Variants in CALN1 observed in about 807,000 individuals in gnomAD.
CALN1 encodes calneuron 1.
CALN1 carries 17 observed loss-of-function variants against 30.6 expected under a neutral mutation model. That is an observed-to-expected ratio of 0.56 (90% CI 0.38 to 0.83). The LOEUF is 0.83. Ranked by LOEUF, CALN1 falls within the 40% of genes least tolerant of loss-of-function variation. The pLI is 0.00. For missense variants in CALN1, 291 were observed against 354.9 expected (o/e 0.82, Z 1.45); for synonymous variants, 156 against 131.4 (o/e 1.19, Z -1.28).
chr7:72,187,232 C>T (rs1790272515), intron 3 of CALN1, among the ~76,000 whole-genome samples: 1 of 152,114 alleles, frequency 6.6e-6, no homozygotes. Context: ...TTGTCTGACA[C>T]ATTTTTCCAG....
intron 2 of CALN1, among the ~76,000 whole-genome samples, chr7:72,359,976 C>CAAACAAAAAAAAAAA (rs1803468935): frequency 1.6e-5 from 1 of 63,954 alleles, no homozygotes; most frequent in African/African-American, 8.6e-5. Flanking sequence ...GACTCCATCT[C>CAAACAAAAAAAAAAA]AAAAAAAAAA....
At chr7:72,425,862 T>G (rs1807784963) in intron 1 of CALN1, among the ~76,000 whole-genome samples, 1 of 152,122 alleles carries the variant, frequency 6.6e-6, no homozygotes, top group Non-Finnish European at 1.5e-5. Context: ...CTCTGTCCCT[T>G]AGGGAGATGG....
intron 3 of CALN1, among the ~76,000 whole-genome samples, chr7:72,277,534 C>G (rs547171221): frequency 1.3e-5 from 2 of 152,290 alleles, no homozygotes; most frequent in South Asian, 4.2e-4. Flanking sequence ...CCCCCAGACT[C>G]TCTTTGGACC....
intron 4 of CALN1, among the ~76,000 whole-genome samples, chr7:72,025,169 G>A (rs911906213): frequency 3.3e-5 from 5 of 152,234 alleles, no homozygotes; most frequent in Non-Finnish European, 7.4e-5. Flanking sequence ...AATTAGCTGG[G>A]TGTGGTTGTC....
intron 4 of CALN1, among the ~76,000 whole-genome samples, chr7:72,056,455 A>G (rs1405484904): frequency 1.3e-5 from 2 of 152,180 alleles, no homozygotes; most frequent in African/African-American, 4.8e-5. Flanking sequence ...TTAGTTAACA[A>G]ATGGTGCTGA....
intron 5 of CALN1, among the ~76,000 whole-genome samples, chr7:71,819,844 G>T (rs1278694283): frequency 6.6e-6 from 1 of 152,030 alleles, no homozygotes; most frequent in Non-Finnish European, 1.5e-5. Context: ...TCCTTTTTAA[G>T]GCTGGACCAT....
intron 5 of CALN1, among the ~76,000 whole-genome samples, chr7:71,887,293 T>A (rs141053606): frequency 4.7e-4 from 71 of 152,236 alleles, no homozygotes; most frequent in Admixed American, 1.3e-3. Flanking sequence ...GGCAAGTCCA[T>A]AATTATGCTT....
At chr7:71,864,490 A>G (rs565461891) in intron 5 of CALN1, among the ~76,000 whole-genome samples, 1 of 152,288 alleles carries the variant, frequency 6.6e-6, no homozygotes, top group South Asian at 2.1e-4. Context: ...TGGAGCCACG[A>G]GGAACTGAAT....
chr7:72,448,706 A>G (rs923902059), upstream of CALN1, among the ~76,000 whole-genome samples: 2 of 151,942 alleles, frequency 1.3e-5, no homozygotes, highest in Admixed American at 6.6e-5. Context: ...CCTGAGTTCA[A>G]GCAGTTCTCC....
chr7:72,177,530 T>C (rs1183721816), intron 3 of CALN1, among the ~76,000 whole-genome samples: 3 of 152,066 alleles, frequency 2.0e-5, no homozygotes, highest in Non-Finnish European at 4.4e-5. Context: ...TTGGGGAGGC[T>C]GAGAAGGGCG....
At chr7:72,221,569 T>C (rs1793305033) in intron 3 of CALN1, among the ~76,000 whole-genome samples, 1 of 152,052 alleles carries the variant, frequency 6.6e-6, no homozygotes, top group Admixed American at 6.6e-5. Flanking sequence ...ACATAACTAC[T>C]TAGGACCAGG....
At chr7:72,259,735 T>C (rs1410531763) in intron 3 of CALN1, among the ~76,000 whole-genome samples, 2 of 152,178 alleles carry the variant, frequency 1.3e-5, no homozygotes, top group African/African-American at 4.8e-5. Context: ...GGTCTGTATT[T>C]TTAAATTCCC....
intron 3 of CALN1, among the ~76,000 whole-genome samples, chr7:72,252,192 T>C (rs955930532): frequency 6.6e-6 from 1 of 152,180 alleles, no homozygotes; most frequent in African/African-American, 2.4e-5. Context: ...TCTATTCTTC[T>C]AGTTGATTGA....
chr7:72,143,345 C>A, intron 3 of CALN1, among the ~76,000 whole-genome samples: 1 of 151,970 alleles, frequency 6.6e-6, no homozygotes, highest in East Asian at 1.9e-4. Flanking sequence ...CTTCAGTAGC[C>A]GATTCGATCA....
chr7:72,145,557 T>A (rs1214644201), intron 3 of CALN1, among the ~76,000 whole-genome samples: 4 of 152,168 alleles, frequency 2.6e-5, no homozygotes, highest in Non-Finnish European at 5.9e-5. Flanking sequence ...GAGGAGCTGG[T>A]ACCATTCCTT....
chr7:72,402,101 T>G (rs1292900212), intron 2 of CALN1, among the ~76,000 whole-genome samples: 1 of 152,192 alleles, frequency 6.6e-6, no homozygotes, highest in Non-Finnish European at 1.5e-5. Context: ...CCTTCAGCAT[T>G]TGTCATTTCC....
chr7:72,087,860 G>A (rs1020778701), intron 4 of CALN1, among the ~76,000 whole-genome samples: 4 of 152,100 alleles, frequency 2.6e-5, no homozygotes, highest in Admixed American at 1.3e-4. Flanking sequence ...AAGAAAACTC[G>A]GTCTAAAAAT....
chr7:72,317,060 G>GAA (rs1800515758), intron 2 of CALN1, among the ~76,000 whole-genome samples: 1 of 97,446 alleles, frequency 1.0e-5, no homozygotes, highest in Non-Finnish European at 1.9e-5. Flanking sequence ...GAAAGAGAGA[G>GAA]AGAGAAAGAG....
At chr7:72,347,472 G>T (rs1181881742) in intron 2 of CALN1, among the ~76,000 whole-genome samples, 1 of 151,934 alleles carries the variant, frequency 6.6e-6, no homozygotes. Context: ...CTCTATGTCG[G>T]TCAGGCTGGT....
Sources: allele counts gnomAD v4.1 joint callset (sites outside exome capture counted in the v4.1 genomes callset), GRCh38; gene constraint gnomAD v4.1.1; transcripts MANE v1.5; gene names NCBI Gene and HGNC (gene_info 2026-07-23, HGNC 2026-07-21).